The following RPAP2 variants were observed in gnomAD, a reference collection of about 807,000 sequenced individuals.
RPAP2 encodes the protein putative RNA polymerase II subunit B1 CTD phosphatase RPAP2.
RPAP2 carries 52 observed loss-of-function variants against 73.1 expected under a neutral mutation model. The ratio of observed to expected loss-of-function variants is 0.71; its 90% CI spans 0.57 to 0.90. The LOEUF (loss-of-function observed/expected upper bound fraction) is 0.90. Ranked by LOEUF, RPAP2 falls within the 40% of genes least tolerant of loss-of-function variation. The probability of loss-of-function intolerance (pLI) is 0.00; values close to 1 mark genes in which losing one functional copy is unlikely to be tolerated. For synonymous variants in RPAP2, 225 were observed against 242.1 expected (o/e 0.93, Z 0.65); for missense variants, 598 against 701.8 (o/e 0.85, Z 1.67).
At chr1:92,329,272 A>G (rs1415354474) in intron 8 of RPAP2, among the ~76,000 whole-genome samples, 2 of 152,138 alleles carry the variant, frequency 1.3e-5, no homozygotes, top group South Asian at 2.1e-4. Context: ...AAAGACCATC[A>G]GGTGGGGGTA....
intron 11 of RPAP2, among the ~76,000 whole-genome samples, chr1:92,378,457 C>G (rs1284627675): frequency 2.0e-5 from 3 of 152,132 alleles, no homozygotes; most frequent in Non-Finnish European, 4.4e-5. Context: ...AAATGATCCG[C>G]CCACCTCGGC....
intron 3 of RPAP2, 98 bp downstream of exon 3, chr1:92,301,688 TTC>T (rs1650868411): frequency 4.1e-6 from 2 of 486,648 alleles, no homozygotes; most frequent in African/African-American, 2.0e-5. Context: ...TTTGAATTTG[TTC>T]TGAGTCATTA....
intron 11 of RPAP2, among the ~76,000 whole-genome samples, chr1:92,350,940 A>C (rs1169341273): frequency 1.3e-5 from 2 of 151,998 alleles, no homozygotes; most frequent in African/African-American, 4.8e-5. Context: ...TCAAAATAAA[A>C]GATAGTCTTC....
At chr1:92,321,514 C>T (rs1247840163) in intron 7 of RPAP2, among the ~76,000 whole-genome samples, 1 of 151,902 alleles carries the variant, frequency 6.6e-6, no homozygotes, top group African/African-American at 2.4e-5. Flanking sequence ...TGCTTCTTGA[C>T]CCAGAGTCTT....
chr1:92,324,156 A>G lies in RPAP2; in HGVS notation c.1236A>G (p.Ile412Met), dbSNP rs113717352. 1.2e-6 allele frequency: 2 copies of G among 1,614,136 alleles called. No homozygotes were observed. Among genetic ancestry groups the G allele is most frequent in the Middle Eastern group, 1.6e-4 (1 of 6,062 alleles). Residue 412 changes from isoleucine (I) to methionine (M), a missense_variant, in exon 8 of 13, where the codon ATA (isoleucine) becomes ATG (methionine). Physicochemically the swap from Ile to Met is conservative, Grantham distance 10. Around this residue, in one of 3 missense-constraint regions of RPAP2, gnomAD observed 506 missense variants for 612.8 expected, o/e 0.83. Coordinates refer to ENST00000610020, the MANE Select transcript of RPAP2 (RefSeq NM_024813.3). ...LVKEELDEDD[I>M]ISDPDSHFPA... is the part of the protein sequence containing the mutation. ...AAGAAGAACTTGATGAAGATGACAT[A>G]ATCTCAGATCCAGATAGTCATTTCC...
intron 10 of RPAP2, among the ~76,000 whole-genome samples, chr1:92,344,652 C>G (rs1374380812): frequency 6.6e-6 from 1 of 152,058 alleles, no homozygotes; most frequent in African/African-American, 2.4e-5. Context: ...TGTTTATATG[C>G]ATTTTCAACT....
At chr1:92,383,172 C>G (rs1185704509) in intron 12 of RPAP2, among the ~76,000 whole-genome samples, 1 of 152,050 alleles carries the variant, frequency 6.6e-6, no homozygotes, top group Non-Finnish European at 1.5e-5. Context: ...GTTACTGTAG[C>G]CTTGTAGTAT....
At position 92,395,705 on chromosome 1, in the gene RPAP2, T is replaced by A. The variant is rs1656168013; in HGVS notation, c.*8694T>A. The A allele has an allele frequency of 6.7e-6, 1 of 150,142 alleles. No homozygotes were observed. The highest frequency in any genetic ancestry group is 2.1e-4 in the South Asian group (1 of 4,760). The allele number at this position is 150,142 out of a possible 1,614,324, so 9.3% of individuals were successfully genotyped here. A position where few individuals can be genotyped will look rare whatever the true frequency, so the allele number is the denominator to read the frequency against. On this transcript the variant is annotated 3_prime_UTR_variant, in exon 13 of 13. Transcript: ENST00000610020. The stretch of plus-strand genomic sequence containing the variant: ...GGGAGAAAATATTTTCAAACCATAA[T>A]AAGTATCTGATAGAGGACTTGTATC...
At chr1:92,362,488 G>A (rs1038467810) in intron 11 of RPAP2, among the ~76,000 whole-genome samples, 12 of 152,234 alleles carry the variant, frequency 7.9e-5, no homozygotes, top group African/African-American at 1.9e-4. Context: ...CCCACCATTC[G>A]CTTTGAATGA....
chr1:92,324,124 C>A lies in RPAP2; in HGVS notation c.1204C>A (p.Leu402Met). 1.2e-6 allele frequency: 2 copies of A among 1,614,120 alleles called. No individual in the cohort carries two copies. Among genetic ancestry groups the A allele is most frequent in the Non-Finnish European group, 1.7e-6 (2 of 1,179,996 alleles). ...ASVCLKPEAS[L>M]VKEELDEDDI... Reference sequence around the variant, plus strand: ...TGTGTGTCTGAAACCCGAAGCCTCTCTGGTTAAAGAAGAACTTGATGAAGA... The same window carrying A: ...TGTGTGTCTGAAACCCGAAGCCTCTATGGTTAAAGAAGAACTTGATGAAGA... The change falls in exon 8 of 13, where the codon CTG becomes ATG. Residue 402 changes from leucine (L) to methionine (M), a missense_variant. Leu to Met is a conservative substitution (Grantham distance 15). Transcript: ENST00000610020.
intron 12 of RPAP2, among the ~76,000 whole-genome samples, chr1:92,382,353 C>T (rs184017838): frequency 2.4e-3 from 367 of 152,278 alleles, no homozygotes; most frequent in Admixed American, 7.1e-3. Context: ...ACACTGACTT[C>T]CACAATGGTT....
At chr1:92,311,910 CT>C (rs758777030) in intron 6 of RPAP2, among the ~76,000 whole-genome samples, 8 of 152,158 alleles carry the variant, frequency 5.3e-5, no homozygotes, top group Non-Finnish European at 1.2e-4. Flanking sequence ...AAGTATTAAT[CT>C]TTTTGCTGGT....
chr1:92,313,713 A>G (rs996048803), intron 6 of RPAP2, among the ~76,000 whole-genome samples: 13 of 152,174 alleles, frequency 8.5e-5, no homozygotes, highest in African/African-American at 3.1e-4. Context: ...CTTCTCCTCT[A>G]TAGCTATGAA....
intron 11 of RPAP2, among the ~76,000 whole-genome samples, chr1:92,375,999 C>CA (rs1234687722): frequency 0.042 from 2,725 of 64,768 alleles, 54 homozygotes; most frequent in African/African-American, 0.071. Context: ...GACTCTGTCT[C>CA]AAAAAAAAAA....
chr1:92,310,121 T>C (rs1367374069), intron 6 of RPAP2, among the ~76,000 whole-genome samples: 1 of 152,230 alleles, frequency 6.6e-6, no homozygotes, highest in Non-Finnish European at 1.5e-5. Flanking sequence ...TCTATATATA[T>C]GCATCTGCCT....
Position 92,299,061 on chromosome 1 carries a change from A to G in RPAP2, c.-13A>G. 6.8e-7 allele frequency: 1 copy of G among 1,461,276 alleles called. No homozygotes were observed. Among genetic ancestry groups the G allele is most frequent in the Non-Finnish European group, 9.1e-7 (1 of 1,093,404 alleles). The allele number at this position is 1,461,276 out of a possible 1,614,324, so 90.5% of individuals were successfully genotyped here. ...GCCGGAGCGTGTCCCCGTCCGGCAG[A>G]CTACTCTCCCCCATGGCGGACTTCG... On this transcript the variant is annotated 5_prime_UTR_variant, in exon 1 of 13. Transcript: ENST00000610020.
Position 92,390,013 on chromosome 1 carries a change from G to C in RPAP2, c.*3002G>C, listed in dbSNP as rs2101465781. ...AGAGCTTCCCCAACCTAGCAAGGAA[G>C]GCCAACATTCAAATTCAGGAAATAC... On this transcript the variant is annotated 3_prime_UTR_variant, in exon 13 of 13. Transcript: ENST00000610020. The C allele has an allele frequency of 6.6e-6, 1 of 152,326 alleles. No homozygotes were observed. Among genetic ancestry groups the C allele is most frequent in the East Asian group, 1.9e-4 (1 of 5,182 alleles). 9.4% of individuals were successfully genotyped at this position (152,326 alleles called of 1,614,324 possible). A position where few individuals can be genotyped will look rare whatever the true frequency, so the allele number is the denominator to read the frequency against.
In RPAP2 at chr1:92,394,018, C is replaced by T. The variant is rs1463751773; in HGVS notation, c.*7007C>T. ...TATAAATCATTCTACAATAAAGACACATGCACACGTATGTTTATTGCTGCA... is the reference window on the plus strand; with the variant it reads ...TATAAATCATTCTACAATAAAGACATATGCACACGTATGTTTATTGCTGCA... On this transcript the variant is annotated 3_prime_UTR_variant, in exon 13 of 13. Coordinates refer to ENST00000610020, the MANE Select transcript of RPAP2 (RefSeq NM_024813.3). The T allele has an allele frequency of 1.3e-5, 2 of 152,188 alleles. No individual in the cohort carries two copies. The highest frequency in any genetic ancestry group is 1.5e-5 in the Non-Finnish European group (1 of 68,034). The allele number at this position is 152,188 out of a possible 1,614,324, so 9.4% of individuals were successfully genotyped here.
intron 6 of RPAP2, among the ~76,000 whole-genome samples, chr1:92,317,955 A>G (rs986464801): frequency 3.9e-5 from 6 of 152,182 alleles, no homozygotes; most frequent in Non-Finnish European, 7.3e-5. Context: ...AGATCTTGAA[A>G]TAAGAGCTTC....
Sources: allele counts gnomAD v4.1 joint callset (sites outside exome capture counted in the v4.1 genomes callset), GRCh38; gene constraint gnomAD v4.1.1; regional missense constraint gnomAD v4.1.1; transcripts MANE v1.5; gene names NCBI Gene and HGNC (gene_info 2026-07-23, HGNC 2026-07-21).